Variants in TUB observed in about 807,000 individuals in gnomAD.
TUB encodes the protein tubby protein homolog.
Under a neutral mutation model 59.7 loss-of-function variants are expected in TUB, and 33 were observed. The ratio of observed to expected loss-of-function variants is 0.55; its 90% CI spans 0.42 to 0.74. The LOEUF (loss-of-function observed/expected upper bound fraction) is 0.74. Ranked by LOEUF, TUB falls within the 30% of genes least tolerant of loss-of-function variation. The pLI, the probability that TUB is intolerant of heterozygous loss-of-function variation, is 0.00. For synonymous variants in TUB, 293 were observed against 256.4 expected (o/e 1.14, Z -1.36); for missense variants, 659 against 672.0 (o/e 0.98, Z 0.21).
chr11:8,040,215 C>G (rs1313777484), intron 2 of TUB, among the ~76,000 whole-genome samples: 2 of 152,194 alleles, frequency 1.3e-5, no homozygotes, highest in African/African-American at 2.4e-5. Flanking sequence ...AGGCTCCTAA[C>G]CAGGACCTCA....
Position 8,105,770 on chromosome 11 carries a change from C to G in TUB, c.*4151C>G, listed in dbSNP as rs1944557445. The G allele has an allele frequency of 1.3e-5, 2 of 152,190 alleles. No individual in the cohort carries two copies. Among genetic ancestry groups the G allele is most frequent in the East Asian group, 3.9e-4 (2 of 5,190 alleles). The allele number at this position is 152,190 out of a possible 1,614,324, so 9.4% of individuals were successfully genotyped here. A position where few individuals can be genotyped will look rare whatever the true frequency, so the allele number is the denominator to read the frequency against. On this transcript the variant is annotated 3_prime_UTR_variant, in exon 12 of 12. Coordinates refer to ENST00000299506, the MANE Select transcript of TUB (RefSeq NM_177972.3). ...CTTTCCTAAGAAAGACATCACATCC[C>G]TCTCCTCTCCTCCTCTGTGCTCCTG...
intron 5 of TUB, 135 bp from the exon 6 acceptor site, chr11:8,096,550 T>G: frequency 1.4e-6 from 1 of 699,156 alleles, no homozygotes. Context: ...TGTGTAGATA[T>G]GGCTAAGAGT....
In TUB at chr11:8,046,610, T is replaced by G. The variant is rs1942837440; in HGVS notation, c.203+6918T>G. Among the ~76,000 whole-genome samples the G allele has an allele frequency of 3.3e-5, 5 of 152,182 alleles. 1 individual carries two copies. In the South Asian group the frequency reaches 1.0e-3, roughly 32 times the overall value. On this transcript the variant is annotated intron_variant, in intron 2 of 12. Transcript: ENST00000305253. ...GTTAGGCCCAAATCTGTGCATCTCT[T>G]TCTTTTCTCTCTGACCACCAGATTA...
At chr11:8,049,804 C>T (rs1440567355) in intron 2 of TUB, among the ~76,000 whole-genome samples, 1 of 151,808 alleles carries the variant, frequency 6.6e-6, no homozygotes, top group African/African-American at 2.4e-5. Flanking sequence ...TTCCTACTGA[C>T]ATTTTGATTA....
rs767686424 is a variant in TUB, at chr11:8,097,214, C to T, written c.688-14C>T. The stretch of plus-strand genomic sequence containing the variant: ...GGTCCTTGGGGCTCAGGCACCTATT[C>T]TGCATCCCCATAGGAGGCAGCCTCA... On this transcript the variant is annotated splice_polypyrimidine_tract_variant and intron_variant, in intron 6 of 11. Coordinates refer to ENST00000299506, the MANE Select transcript of TUB (RefSeq NM_177972.3). 37 of 1,613,600 alleles carry T rather than the reference C, an allele frequency of 2.3e-5. No homozygotes were observed. Among genetic ancestry groups the T allele is most frequent in the Non-Finnish European group, 2.9e-5 (34 of 1,179,974 alleles).
intron 2 of TUB, among the ~76,000 whole-genome samples, chr11:8,049,590 G>GT (rs1942899947): frequency 8.8e-5 from 11 of 124,490 alleles, no homozygotes; most frequent in Admixed American, 1.6e-4. Flanking sequence ...TAGATAGATA[G>GT]ATAGATAGAT....
upstream of TUB, chr11:8,038,475 A>G (rs1431501760): frequency 8.5e-6 from 3 of 351,482 alleles, no homozygotes; most frequent in Admixed American, 5.9e-5. Flanking sequence ...GCAGCAGTGA[A>G]TGTGTCCTCG....
rs781319572 is a variant in TUB, at chr11:8,064,600, G to A, written c.203+24908G>A. ...AGTTGTGGAAAAGGAGACTGTTAGG[G>A]AACTTTGACGTAAGTGGGGTCGAAG... On this transcript the variant is annotated intron_variant, in intron 2 of 12. Coordinates refer to the TUB transcript ENST00000305253. Among the ~76,000 whole-genome samples the A allele has an allele frequency of 2.0e-5, 3 of 152,158 alleles. No individual in the cohort carries two copies. The South Asian group carries it at 6.2e-4, about 32-fold the overall frequency.
exon 1 of TUB, chr11:8,038,662 T>G: frequency 1.5e-6 from 2 of 1,353,326 alleles, no homozygotes; most frequent in Non-Finnish European, 9.5e-7. Context: ...CCTGAAGGGT[T>G]TGGGGGGAGA....
exon 1 of TUB, chr11:8,019,280 C>T (rs868603183): frequency 1.6e-6 from 2 of 1,259,264 alleles, no homozygotes; most frequent in Non-Finnish European, 2.0e-6. Context: ...CCCGCGGAGC[C>T]CCGAGCGGAG....
intron 2 of TUB, among the ~76,000 whole-genome samples, chr11:8,042,570 T>C (rs1564900202): frequency 1.3e-5 from 2 of 152,208 alleles, no homozygotes; most frequent in Non-Finnish European, 2.9e-5. Context: ...CCACCAGTAG[T>C]ATATGAGGGT....
At chr11:8,049,907 G>A (rs950042428) in intron 2 of TUB, among the ~76,000 whole-genome samples, 3 of 152,056 alleles carry the variant, frequency 2.0e-5, no homozygotes, top group African/African-American at 7.2e-5. Context: ...TTGCACAGCT[G>A]AACACAGACA....
At chr11:8,022,407 C>T (rs1942443192) in intron 1 of TUB, among the ~76,000 whole-genome samples, 1 of 152,204 alleles carries the variant, frequency 6.6e-6, no homozygotes, top group Admixed American at 6.5e-5. Flanking sequence ...CTTTCCAGCA[C>T]TGTTCTCTGG....
intron 2 of TUB, among the ~76,000 whole-genome samples, chr11:8,043,868 G>A (rs1942789986): frequency 1.3e-5 from 2 of 152,038 alleles, no homozygotes; most frequent in African/African-American, 4.8e-5. Context: ...AGTTTTATTT[G>A]TTCCTTTCTA....
At position 8,105,340 on chromosome 11, in the gene TUB, T is replaced by C. The variant is rs942768648; in HGVS notation, c.*3721T>C. ...TGCAGTCAGGGCCCAGAGTTGGGAC[T>C]CTATACTACCCTGGGCTCTGGTCTG... On this transcript the variant is annotated 3_prime_UTR_variant, in exon 12 of 12. Transcript: ENST00000299506. 6.6e-5 allele frequency: 10 copies of C among 152,194 alleles called. No homozygotes were observed. The highest frequency in any genetic ancestry group is 2.4e-4 in the African/African-American group (10 of 41,444). 9.4% of individuals were successfully genotyped at this position (152,194 alleles called of 1,614,324 possible). A position where few individuals can be genotyped will look rare whatever the true frequency, so the allele number is the denominator to read the frequency against.
intron 4 of TUB, among the ~76,000 whole-genome samples, chr11:8,094,668 C>T (rs914788843): frequency 6.6e-6 from 1 of 152,206 alleles, no homozygotes; most frequent in Non-Finnish European, 1.5e-5. Flanking sequence ...GACCACAGAC[C>T]AGCCTGTTCC....
At chr11:8,047,774 G>T (rs1030256619) in intron 2 of TUB, among the ~76,000 whole-genome samples, 3 of 152,146 alleles carry the variant, frequency 2.0e-5, no homozygotes, top group African/African-American at 7.2e-5. Flanking sequence ...AGGGTCCTTG[G>T]GGTGGCTGGG....
chr11:8,085,212 G>A lies in TUB; in HGVS notation c.38+3664G>A, dbSNP rs141623927. 6.9e-3 allele frequency among the ~76,000 whole-genome samples: 1,044 copies of A among 152,312 alleles called. 34 individuals are homozygous for A. The highest frequency in any genetic ancestry group is 0.055 in the Admixed American group (849 of 15,310). ...TTAGAGATCACCAGCTGTGGCTCGT[G>A]GTCGCATTTGCATGGCTGAGCATTA... On this transcript the variant is annotated intron_variant, in intron 1 of 11. Coordinates refer to ENST00000299506, the MANE Select transcript of TUB (RefSeq NM_177972.3).
rs1201588843 is a variant in TUB at position 8,103,706 on chromosome 11, C to T, written c.*2087C>T. On this transcript the variant is annotated 3_prime_UTR_variant, in exon 12 of 12. Coordinates refer to ENST00000299506, the MANE Select transcript of TUB (RefSeq NM_177972.3). Reference sequence around the variant, plus strand: ...ATAGTTCCAGTTTAGCCCTTCCCTGCCTTTAAGGAGAAGAGATCTTCATGG... The same window carrying T: ...ATAGTTCCAGTTTAGCCCTTCCCTGTCTTTAAGGAGAAGAGATCTTCATGG... 1.3e-5 allele frequency: 2 copies of T among 152,630 alleles called. No homozygotes were observed. The highest frequency in any genetic ancestry group is 3.2e-3 in the Middle Eastern group (1 of 316). 9.5% of individuals were successfully genotyped at this position (152,630 alleles called of 1,614,324 possible).
Sources: allele counts gnomAD v4.1 joint callset (sites outside exome capture counted in the v4.1 genomes callset), GRCh38; gene constraint gnomAD v4.1.1; transcripts MANE v1.5; gene names NCBI Gene and HGNC (gene_info 2026-07-23, HGNC 2026-07-21).